WWP2: variants seen among roughly 807,000 people sequenced by gnomAD.
The protein encoded by WWP2 is WW domain containing E3 ubiquitin protein ligase 2, also known as NEDD4-like E3 ubiquitin-protein ligase WWP2.
Under a neutral mutation model 121.0 loss-of-function variants are expected in WWP2, and 57 were observed. The observed-to-expected ratio is 0.47, with a 90% CI of 0.38 to 0.59. The LOEUF is 0.59. Among genes scored for constraint, WWP2 ranks in the 20% least tolerant of loss-of-function variants. The probability of loss-of-function intolerance (pLI) is 0.00; values close to 1 mark genes in which losing one functional copy is unlikely to be tolerated. For synonymous variants in WWP2, 449 were observed against 441.3 expected, an observed-to-expected ratio of 1.02 and a Z score of -0.22; for missense variants, 962 against 1,158.9, an observed-to-expected ratio of 0.83 and a Z score of 2.47.
chr16:69,885,810 A>G (rs1022708907), intron 7 of WWP2, among the ~76,000 whole-genome samples: 3 of 152,232 alleles, frequency 2.0e-5, no homozygotes, highest in African/African-American at 7.2e-5. Flanking sequence ...TGTGAGGCCT[A>G]AATGAGATAA....
At position 69,795,649 on chromosome 16, in the gene WWP2, G is replaced by GTTTTTTTTTTTT. The variant is rs386384998; in HGVS notation, c.71-3018_71-3007dup. Among the ~76,000 whole-genome samples the GTTTTTTTTTTTT allele has an allele frequency of 1.0e-4, 7 of 66,954 alleles. 1 individual carries two copies. Among genetic ancestry groups the GTTTTTTTTTTTT allele is most frequent in the African/African-American group, 4.4e-4 (7 of 15,918 alleles). 43.9% of individuals were successfully genotyped at this position (66,954 alleles called of 152,430 possible). A position where few individuals can be genotyped will look rare whatever the true frequency, so the allele number is the denominator to read the frequency against. On this transcript the variant is annotated intron_variant, in intron 2 of 23. Transcript: ENST00000359154. ...TAGATTGGAAACTTAAAAATAGGAG[G>GTTTTTTTTTTTT]TTTTTTTTTTTTTTTTTTTTTTTTT...
At chr16:69,891,224 C>A (rs1287885722) in intron 8 of WWP2, among the ~76,000 whole-genome samples, 2 of 152,134 alleles carry the variant, frequency 1.3e-5, no homozygotes, top group Non-Finnish European at 2.9e-5. Flanking sequence ...GCCTGCCAGC[C>A]CCACCCCAGT....
intron 9 of WWP2, chr16:69,909,445 C>T (rs962949825): frequency 2.0e-6 from 2 of 985,590 alleles, no homozygotes; most frequent in Non-Finnish European, 2.4e-6. Flanking sequence ...AGTAGGGACT[C>T]TTAGGAGAGC....
chr16:69,893,316 T>A (rs1489356031), intron 8 of WWP2, among the ~76,000 whole-genome samples: 1 of 152,160 alleles, frequency 6.6e-6, no homozygotes, highest in African/African-American at 2.4e-5. Context: ...TGGCACAGAG[T>A]AGGCTCCCAA....
intron 1 of WWP2, among the ~76,000 whole-genome samples, chr16:69,767,041 T>G (rs557316071): frequency 4.7e-4 from 72 of 151,854 alleles, no homozygotes; most frequent in Middle Eastern, 6.8e-3. Flanking sequence ...GTTTTGTTTT[T>G]TTTTTTTTTA....
chr16:69,835,962 C>T (rs1441096214), intron 4 of WWP2, among the ~76,000 whole-genome samples: 1 of 152,054 alleles, frequency 6.6e-6, no homozygotes, highest in Admixed American at 6.6e-5. Flanking sequence ...GCCACCATGC[C>T]TGGATAATTT....
chr16:69,880,751 G>A (rs542708427), intron 7 of WWP2, among the ~76,000 whole-genome samples: 23 of 152,276 alleles, frequency 1.5e-4, no homozygotes, highest in African/African-American at 4.1e-4. Context: ...TGTGTTTCAC[G>A]GGTGAAAGAC....
At chr16:69,923,884 ATGC>A (rs1190986178) in intron 10 of WWP2, among the ~76,000 whole-genome samples, 4 of 152,142 alleles carry the variant, frequency 2.6e-5, no homozygotes, top group Non-Finnish European at 5.9e-5. Flanking sequence ...ATTTTATGAG[ATGC>A]TGTACCCTAT....
rs1459173621 is a variant in WWP2, at chr16:69,937,085, C to T, written c.2118-33C>T. 4 of 1,610,856 alleles carry T rather than the reference C, an allele frequency of 2.5e-6. No individual in the cohort carries two copies. The highest frequency in any genetic ancestry group is 2.2e-5 in the East Asian group (1 of 44,784). ...GGAGCCACCCCTGAGCAGTGGGTCTCAGACTCCACCCATGGCTGCTCTTTG... is the reference window on the plus strand; with the variant it reads ...GGAGCCACCCCTGAGCAGTGGGTCTTAGACTCCACCCATGGCTGCTCTTTG... On this transcript the variant is annotated intron_variant, in intron 19 of 23. Transcript: ENST00000359154. This position sits in a 1 kb window ranked among gnomAD's most constrained non-coding sequence, Gnocchi z 6.6.
intron 13 of WWP2, among the ~76,000 whole-genome samples, chr16:69,930,905 T>C (rs2058700904): frequency 6.6e-6 from 1 of 152,132 alleles, no homozygotes; most frequent in African/African-American, 2.4e-5. Flanking sequence ...TAAGATGGGA[T>C]GGGGAGGAAG....
intron 8 of WWP2, among the ~76,000 whole-genome samples, chr16:69,897,583 A>G (rs1250246113): frequency 6.6e-6 from 1 of 152,150 alleles, no homozygotes; most frequent in African/African-American, 2.4e-5. Flanking sequence ...ATAAAAATTT[A>G]TCCATTTACT....
intron 6 of WWP2, among the ~76,000 whole-genome samples, chr16:69,863,320 A>G (rs1177739040): frequency 1.3e-5 from 2 of 152,160 alleles, no homozygotes; most frequent in Non-Finnish European, 2.9e-5. Context: ...ACAAAAGCAT[A>G]CAGCCAGGTA....
At chr16:69,882,350 T>A (rs116733038) in intron 7 of WWP2, among the ~76,000 whole-genome samples, 2,694 of 152,372 alleles carry the variant, frequency 0.018, 73 homozygotes, top group African/African-American at 0.061. Context: ...TAATTTTTTT[T>A]ATTTCTTTTC....
chr16:69,878,159 A>G (rs1055706511), intron 7 of WWP2, among the ~76,000 whole-genome samples: 7 of 152,192 alleles, frequency 4.6e-5, no homozygotes, highest in Admixed American at 3.9e-4. Context: ...AAACAATGGC[A>G]ATATTAATAT....
chr16:69,786,835 G>T (rs1159780164), intron 1 of WWP2, among the ~76,000 whole-genome samples, 161 bp from the exon 2 acceptor site: 1 of 152,150 alleles, frequency 6.6e-6, no homozygotes, highest in East Asian at 1.9e-4. Flanking sequence ...ACCTGTCCAG[G>T]TTCATTAAGT....
At chr16:69,821,726 T>A (rs1248482000) in intron 4 of WWP2, among the ~76,000 whole-genome samples, 1 of 53,862 alleles carries the variant, frequency 1.9e-5, no homozygotes, top group Admixed American at 2.7e-4. Context: ...CTTTCTTACT[T>A]TTTTTTTTTT....
chr16:69,939,531 G>A, intron 23 of WWP2, 118 bp downstream of exon 23: 1 of 1,049,862 alleles, frequency 9.5e-7, no homozygotes, highest in South Asian at 1.5e-5. Context: ...GCGTGGCCCT[G>A]GGGTGTTGGG....
rs959834249 is a variant in WWP2, at chr16:69,916,886, G to A, written c.1005-823G>A. ...AGTTTAAAAAAAAATCATTGAGGCC[G>A]GGTGCAGTGGCTCACGCCTGTAATC... On this transcript the variant is annotated intron_variant, in intron 9 of 23. Coordinates refer to ENST00000359154, the MANE Select transcript of WWP2 (RefSeq NM_001270454.2). Among the ~76,000 whole-genome samples, 7 of 152,246 alleles carry A rather than the reference G, an allele frequency of 4.6e-5. No individual in the cohort carries two copies. In the East Asian group the frequency reaches 9.7e-4, roughly 21 times the overall value.
intron 6 of WWP2, among the ~76,000 whole-genome samples, chr16:69,860,178 C>T (rs566883938): frequency 3.9e-5 from 6 of 151,958 alleles, no homozygotes; most frequent in South Asian, 4.2e-4. Flanking sequence ...ATTAGCCAGG[C>T]GTGGTGGTCC....
Sources: allele counts gnomAD v4.1 joint callset (sites outside exome capture counted in the v4.1 genomes callset), GRCh38; gene constraint gnomAD v4.1.1; non-coding constraint Gnocchi (gnomAD v3.1); transcripts MANE v1.5; gene names NCBI Gene and HGNC (gene_info 2026-07-23, HGNC 2026-07-21).